Variants in RYR3 observed in about 807,000 individuals in gnomAD.
RYR3 encodes the protein brain ryanodine receptor-calcium release channel.
In RYR3, 207 loss-of-function variants were observed where a neutral mutation model predicts 584.3. The ratio of observed to expected loss-of-function variants is 0.35; its 90% CI spans 0.32 to 0.40. RYR3 has a LOEUF of 0.40. Ranked by LOEUF, RYR3 falls within the 10% of genes least tolerant of loss-of-function variation. The pLI, the probability that RYR3 is intolerant of heterozygous loss-of-function variation, is 1.00. For synonymous variants in RYR3, 2,416 were observed against 2,248.5 expected, an observed-to-expected ratio of 1.07 and a Z score of -2.11; for missense variants, 5,616 against 6,089.2, an observed-to-expected ratio of 0.92 and a Z score of 2.59.
intron 100 of RYR3, 122 bp downstream of exon 100, chr15:33,859,853 A>G: frequency 9.0e-7 from 1 of 1,114,268 alleles, no homozygotes; most frequent in Non-Finnish European, 1.3e-6. Context: ...TTAATTTAGC[A>G]AGAACTAATT....
chr15:33,710,582 A>C (rs2067036951), intron 43 of RYR3, among the ~76,000 whole-genome samples: 1 of 151,968 alleles, frequency 6.6e-6, no homozygotes, highest in Non-Finnish European at 1.5e-5. Context: ...GGAGCCTCCA[A>C]CCCCACATTT....
chr15:33,459,408 A>G (rs776189092), intron 1 of RYR3, among the ~76,000 whole-genome samples: 6 of 152,162 alleles, frequency 3.9e-5, no homozygotes, highest in Non-Finnish European at 7.4e-5. Flanking sequence ...TCTTGGAGAT[A>G]AAAATTCAGG....
At chr15:33,323,415 A>G (rs921086330) in intron 1 of RYR3, among the ~76,000 whole-genome samples, 12 of 152,060 alleles carry the variant, frequency 7.9e-5, no homozygotes, top group Non-Finnish European at 1.5e-5. Flanking sequence ...GCCTTAATAC[A>G]TATTTTAATG....
chr15:33,598,132 C>G (rs1423469916), intron 16 of RYR3, among the ~76,000 whole-genome samples: 1 of 149,774 alleles, frequency 6.7e-6, no homozygotes, highest in Non-Finnish European at 1.5e-5. Flanking sequence ...AATTAAACTA[C>G]ACCTTCCTTA....
intron 1 of RYR3, among the ~76,000 whole-genome samples, chr15:33,377,660 A>T (rs1477860499): frequency 6.6e-6 from 1 of 152,242 alleles, no homozygotes; most frequent in Non-Finnish European, 1.5e-5. Context: ...TACTGAATAC[A>T]TAGGTGACCT....
intron 10 of RYR3, 99 bp downstream of exon 10, chr15:33,550,415 A>C: frequency 8.0e-7 from 1 of 1,248,174 alleles, no homozygotes; most frequent in Non-Finnish European, 1.1e-6. Context: ...GGCTGGAACA[A>C]AGTGAAATTG....
intron 5 of RYR3, among the ~76,000 whole-genome samples, chr15:33,536,002 T>C (rs1348577846): frequency 6.6e-6 from 1 of 152,178 alleles, no homozygotes; most frequent in African/African-American, 2.4e-5. Flanking sequence ...GATATTCTCC[T>C]TGAAGAAAGC....
intron 2 of RYR3, among the ~76,000 whole-genome samples, chr15:33,494,216 C>G (rs971611151): frequency 2.6e-5 from 4 of 152,060 alleles, no homozygotes; most frequent in African/African-American, 9.7e-5. Context: ...GTGATGCCTC[C>G]CTTACATAAG....
At chr15:33,372,231 G>C (rs986415277) in intron 1 of RYR3, among the ~76,000 whole-genome samples, 1 of 152,124 alleles carries the variant, frequency 6.6e-6, no homozygotes, top group Non-Finnish European at 1.5e-5. Context: ...TTGCTCTGTT[G>C]CCCAGGCTGG....
chr15:33,404,586 T>G lies in RYR3; in HGVS notation c.52-68833T>G, dbSNP rs571500541. ...AATGAGGAATTACTATTTACTACTG[T>G]GTGTTTTTTTTTTTTTTACTTGTAA... On this transcript the variant is annotated intron_variant, in intron 1 of 103. Transcript: ENST00000634891. 6.1e-4 allele frequency among the ~76,000 whole-genome samples: 72 copies of G among 117,344 alleles called. No individual in the cohort carries two copies. In the East Asian group the frequency reaches 0.014, roughly 23 times the overall value. The allele number at this position is 117,344 out of a possible 152,430, so 77.0% of individuals were successfully genotyped here. A position where few individuals can be genotyped will look rare whatever the true frequency, so the allele number is the denominator to read the frequency against.
intron 1 of RYR3, among the ~76,000 whole-genome samples, chr15:33,454,607 A>G (rs921971073): frequency 6.6e-6 from 1 of 152,218 alleles, no homozygotes; most frequent in Admixed American, 6.5e-5. Flanking sequence ...GTAAAAGGTA[A>G]TAAATGTAGT....
intron 1 of RYR3, among the ~76,000 whole-genome samples, chr15:33,379,631 A>G (rs777502831): frequency 4.7e-5 from 7 of 149,094 alleles, no homozygotes; most frequent in Non-Finnish European, 8.9e-5. Context: ...CCAATAGGAT[A>G]TATTTATGTG....
chr15:33,700,925 A>T, intron 41 of RYR3, 52 bp from the exon 42 acceptor site: 1 of 1,345,950 alleles, frequency 7.4e-7, no homozygotes, highest in South Asian at 1.2e-5. Context: ...TCAGCTCAGC[A>T]CTGAGTGTCT....
chr15:33,382,295 A>C (rs2041244090), intron 1 of RYR3, among the ~76,000 whole-genome samples: 1 of 149,450 alleles, frequency 6.7e-6, no homozygotes, highest in African/African-American at 2.5e-5. Context: ...AAATATCCAC[A>C]GGAACTGCTA....
At chr15:33,501,489 T>C (rs2051986413) in intron 2 of RYR3, among the ~76,000 whole-genome samples, 1 of 152,212 alleles carries the variant, frequency 6.6e-6, no homozygotes, top group South Asian at 2.1e-4. Flanking sequence ...AATTAAACTT[T>C]AAAGCAGACT....
intron 69 of RYR3, among the ~76,000 whole-genome samples, chr15:33,806,504 GAAGAAAACGC>G (rs1425074914): frequency 1.3e-5 from 2 of 151,598 alleles, no homozygotes; most frequent in African/African-American, 2.4e-5. Flanking sequence ...AAAAAAAAAG[GAAGAAAACGC>G]AAGAAAATAA....
intron 65 of RYR3, 127 bp downstream of exon 65, chr15:33,780,468 G>C: frequency 1.1e-6 from 1 of 898,416 alleles, no homozygotes; most frequent in Non-Finnish European, 1.7e-6. Flanking sequence ...AGGAGGTGAG[G>C]TTAGGGACTA....
At chr15:33,607,055 T>G (rs545332033) in intron 18 of RYR3, among the ~76,000 whole-genome samples, 53 of 152,162 alleles carry the variant, frequency 3.5e-4, no homozygotes, top group Non-Finnish European at 6.9e-4. Context: ...CCACTGTGAC[T>G]CAGACCTTTC....
intron 67 of RYR3, among the ~76,000 whole-genome samples, chr15:33,795,683 G>A (rs990711064): frequency 6.6e-6 from 1 of 151,670 alleles, no homozygotes; most frequent in East Asian, 1.9e-4. Context: ...TATGCACCAC[G>A]ACGCCTGGCT....
Sources: allele counts gnomAD v4.1 joint callset (sites outside exome capture counted in the v4.1 genomes callset), GRCh38; gene constraint gnomAD v4.1.1; transcripts MANE v1.5; gene names NCBI Gene and HGNC (gene_info 2026-07-23, HGNC 2026-07-21).